Variants in RBL1 observed in about 807,000 individuals in gnomAD.
RBL1 encodes retinoblastoma-like protein 1.
RBL1 carries 82 observed loss-of-function variants against 123.0 expected under a neutral mutation model. That is an observed-to-expected ratio of 0.67 (90% CI 0.56 to 0.80). The LOEUF (loss-of-function observed/expected upper bound fraction) is 0.80. Among genes scored for constraint, RBL1 ranks in the 30% least tolerant of loss-of-function variants. The probability of loss-of-function intolerance (pLI) is 0.00; values close to 1 mark genes in which losing one functional copy is unlikely to be tolerated. For synonymous variants in RBL1, 405 were observed against 441.3 expected (o/e 0.92, Z 1.03); for missense variants, 1,171 against 1,299.6 (o/e 0.90, Z 1.52).
chr20:37,067,088 T>C lies in RBL1; in HGVS notation c.590A>G (p.Asn197Ser), dbSNP rs375178823. 5 of 1,600,276 alleles carry C rather than the reference T, an allele frequency of 3.1e-6. No homozygotes were observed. In the African/African-American group the frequency reaches 4.1e-5, roughly 13 times the overall value. Residue 197 changes from asparagine (N) to serine (S), a missense_variant, in exon 5 of 22, where the codon AAC becomes AGC. Transcript: ENST00000373664. ...GCAGCATAGAAGTAAATGATAAGAG[T>C]TTACTAAGTCATCCCCAATCATCCG... The part of the protein sequence containing the change: ...NFRMIGDDLV[N>S]SYHLLLCCLD...
chr20:37,065,024 C>T (rs1004402059), intron 7 of RBL1, among the ~76,000 whole-genome samples: 13 of 151,796 alleles, frequency 8.6e-5, no homozygotes, highest in African/African-American at 3.1e-4. Context: ...CACAACCTCC[C>T]AGATTCAAAC....
intron 8 of RBL1, among the ~76,000 whole-genome samples, chr20:37,061,485 G>A (rs2065094691): frequency 6.6e-6 from 1 of 152,118 alleles, no homozygotes; most frequent in African/African-American, 2.4e-5. Flanking sequence ...TGATTTGAAA[G>A]ATAATGTATA....
At chr20:37,001,198 C>T (rs1271325712) in intron 21 of RBL1, among the ~76,000 whole-genome samples, 10 of 147,922 alleles carry the variant, frequency 6.8e-5, no homozygotes, top group Non-Finnish European at 1.4e-4. Flanking sequence ...CGCCCCTGCC[C>T]GGCCGCCCCT....
intron 11 of RBL1, among the ~76,000 whole-genome samples, chr20:37,055,003 C>T (rs990145288): frequency 1.3e-5 from 2 of 152,072 alleles, no homozygotes; most frequent in African/African-American, 4.8e-5. Context: ...AGTTACGCAG[C>T]ATCCTTAAGA....
intron 20 of RBL1, among the ~76,000 whole-genome samples, chr20:37,004,120 G>A (rs2064032331): frequency 1.3e-5 from 2 of 150,356 alleles, no homozygotes; most frequent in Admixed American, 1.3e-4. Flanking sequence ...GCCCAGGCTG[G>A]AGTGCGATGG....
At chr20:37,035,926 T>C (rs1350881555) in intron 14 of RBL1, among the ~76,000 whole-genome samples, 3 of 152,176 alleles carry the variant, frequency 2.0e-5, no homozygotes, top group Non-Finnish European at 4.4e-5. Flanking sequence ...TTGTGAATAT[T>C]TGCACTCCAA....
chr20:37,011,005 G>C (rs1418075463), intron 19 of RBL1, among the ~76,000 whole-genome samples: 6 of 151,840 alleles, frequency 4.0e-5, no homozygotes, highest in Admixed American at 1.3e-4. Flanking sequence ...ATTTTTTGCA[G>C]ACAGGGGTCT....
At position 37,047,063 on chromosome 20, in the gene RBL1, TA is replaced by T; in HGVS notation, c.1594del (p.Tyr532ThrfsTer9). 1 of 1,584,114 alleles carries T rather than the reference TA, an allele frequency of 6.3e-7. No homozygotes were observed. Among genetic ancestry groups the T allele is most frequent in the South Asian group, 1.2e-5 (1 of 84,954 alleles). On this transcript the variant is annotated frameshift_variant, in exon 12 of 22. Transcript: ENST00000373664. LOFTEE classifies it high-confidence loss of function. ...TTGTTTTCATCTCACCTTATAAAAG[TA>T]AAATGGTTGCAAGTTGAGAACTTCA... is the stretch of plus-strand genomic sequence containing the variant. ...IIEVLNLQPF[Y>X]FYKVIEVVIR... is the part of the protein sequence containing the mutation.
chr20:37,013,178 C>T (rs191218994), intron 19 of RBL1, among the ~76,000 whole-genome samples: 299 of 152,322 alleles, frequency 2.0e-3, no homozygotes, highest in Middle Eastern at 0.014. Flanking sequence ...TTTGAGAAAT[C>T]GGATGGTTGC....
At chr20:37,019,353 T>A (rs1157156978) in intron 18 of RBL1, among the ~76,000 whole-genome samples, 1 of 152,110 alleles carries the variant, frequency 6.6e-6, no homozygotes, top group Admixed American at 6.6e-5. Flanking sequence ...CATGATCCAT[T>A]CCCCCTTGTA....
chr20:37,017,959 C>T (rs1400950493), intron 19 of RBL1, among the ~76,000 whole-genome samples: 1 of 152,050 alleles, frequency 6.6e-6, no homozygotes, highest in Non-Finnish European at 1.5e-5. Context: ...ACAGACTCCT[C>T]GGGAAGATTA....
rs1245245162 is a variant in RBL1, at chr20:37,042,907, C to CAAAAAAA, written c.1770+1172_1770+1178dup. 7.5e-5 allele frequency among the ~76,000 whole-genome samples: 4 copies of CAAAAAAA among 53,318 alleles called. 2 individuals are homozygous for CAAAAAAA. The allele number at this position is 53,318 out of a possible 152,430, so 35.0% of individuals were successfully genotyped here. Reference sequence around the variant, plus strand: ...GAGTGAGATCTTGTCCCCCCCCCTCCAAAAAAAAAAAAAAAAAAGTCAAAA... The same window carrying CAAAAAAA: ...GAGTGAGATCTTGTCCCCCCCCCTCCAAAAAAAAAAAAAAAAAAAAAAAAAGTCAAAA... On this transcript the variant is annotated intron_variant, in intron 13 of 21. Coordinates refer to ENST00000373664, the MANE Select transcript of RBL1 (RefSeq NM_002895.5).
chr20:37,095,621 C>G, intron 1 of RBL1, 152 bp downstream of exon 1: 1 of 591,106 alleles, frequency 1.7e-6, no homozygotes, highest in Non-Finnish European at 2.7e-6. Flanking sequence ...ATTGGCTGAG[C>G]TACACCCACC....
chr20:37,024,480 C>T (rs1033930949), intron 16 of RBL1, among the ~76,000 whole-genome samples: 3 of 152,162 alleles, frequency 2.0e-5, no homozygotes, highest in Middle Eastern at 3.2e-3. Flanking sequence ...GATACACATA[C>T]GCTGGAAGGC....
chr20:37,093,938 C>T (rs1387837761), intron 1 of RBL1, among the ~76,000 whole-genome samples: 3 of 151,248 alleles, frequency 2.0e-5, no homozygotes, highest in East Asian at 1.9e-4. Flanking sequence ...ACCGTGCGCC[C>T]GGCCAAGACC....
intron 16 of RBL1, among the ~76,000 whole-genome samples, chr20:37,023,959 T>C (rs2064383688): frequency 6.6e-6 from 1 of 150,646 alleles, no homozygotes; most frequent in African/African-American, 2.4e-5. Context: ...TTTTTTTTTG[T>C]ATTTGAGTAG....
intron 13 of RBL1, among the ~76,000 whole-genome samples, chr20:37,040,650 G>A (rs2146261130): frequency 6.6e-6 from 1 of 152,196 alleles, no homozygotes; most frequent in Admixed American, 6.5e-5. Context: ...ACTGTGCCTG[G>A]CCGAAAAAGT....
intron 16 of RBL1, among the ~76,000 whole-genome samples, chr20:37,030,189 T>C (rs895831622): frequency 6.6e-6 from 1 of 152,218 alleles, no homozygotes; most frequent in Admixed American, 6.5e-5. Flanking sequence ...TTAAAACTTA[T>C]GACACAAAGC....
At position 37,088,980 on chromosome 20, in the gene RBL1, G is replaced by C. The variant is rs372889666; in HGVS notation, c.290+9C>G. 1 of 1,541,404 alleles carries C rather than the reference G, an allele frequency of 6.5e-7. No individual in the cohort carries two copies. The highest frequency in any genetic ancestry group is 8.8e-7 in the Non-Finnish European group (1 of 1,141,886). On this transcript the variant is annotated intron_variant, in intron 2 of 21. Coordinates refer to ENST00000373664, the MANE Select transcript of RBL1 (RefSeq NM_002895.5). ...TTATATAACATTTAAAAACATCAAA[G>C]AGGTTTACCTTAATTTAGCTGAACG... is the stretch of plus-strand genomic sequence containing the variant.
Sources: allele counts gnomAD v4.1 joint callset (sites outside exome capture counted in the v4.1 genomes callset), GRCh38; gene constraint gnomAD v4.1.1; transcripts MANE v1.5; gene names NCBI Gene and HGNC (gene_info 2026-07-23, HGNC 2026-07-21).